LRRC61: variants seen among roughly 807,000 people sequenced by gnomAD.
The protein encoded by LRRC61 is leucine rich repeat containing 61.
LRRC61 carries 9 observed loss-of-function variants against 15.1 expected under a neutral mutation model. The observed-to-expected ratio is 0.60, with a 90% CI of 0.36 to 1.04. LRRC61 has a LOEUF of 1.04. Ranked by LOEUF, LRRC61 falls within the 50% of genes least tolerant of loss-of-function variation. The pLI, the probability that LRRC61 is intolerant of heterozygous loss-of-function variation, is 0.01. For missense variants in LRRC61, 344 were observed against 335.6 expected, an observed-to-expected ratio of 1.03 and a Z score of -0.20; for synonymous variants, 173 against 158.6, an observed-to-expected ratio of 1.09 and a Z score of -0.68.
chr7:150,318,836 A>C (rs1797200838), upstream of LRRC61, among the ~76,000 whole-genome samples: 1 of 152,230 alleles, frequency 6.6e-6, no homozygotes, highest in Admixed American at 6.5e-5. Context: ...AATTTGCTTT[A>C]GATCAGTGTT....
In LRRC61 at chr7:150,335,941, C is replaced by T. The variant is rs1410392042; in HGVS notation, c.-144-777C>T. ...CTGCCCTTTGGGAAATTTATGTTGT[C>T]TTTGCAGCTGGCACCGTGCTGTCTG... On this transcript the variant is annotated intron_variant, in intron 2 of 2. Transcript: ENST00000359623. The surrounding 1 kb of genome is among the most constrained non-coding windows in gnomAD (Gnocchi z 4.3). 6.6e-6 allele frequency among the ~76,000 whole-genome samples: 1 copy of T among 152,216 alleles called. No homozygotes were observed. Among genetic ancestry groups the T allele is most frequent in the African/African-American group, 2.4e-5 (1 of 41,440 alleles).
the LRRC61 span, among the ~76,000 whole-genome samples, chr7:150,313,352 A>G: frequency 5.9e-5 from 9 of 152,182 alleles, no homozygotes; most frequent in African/African-American, 1.9e-4. Flanking sequence ...GGTAGATTTT[A>G]AAGTTTCTCA....
rs1396051841 is a variant in LRRC61 at position 150,323,462 on chromosome 7, C to T, written c.-413C>T. 1.0e-5 allele frequency: 4 copies of T among 390,532 alleles called. No homozygotes were observed. The highest frequency in any genetic ancestry group is 1.5e-5 in the Non-Finnish European group (3 of 200,794). The allele number at this position is 390,532 out of a possible 1,614,324, so 24.2% of individuals were successfully genotyped here. On this transcript the variant is annotated 5_prime_UTR_variant, in exon 1 of 3. Transcript: ENST00000359623. ...CAGGCGGCGGGCGGCGGGGCTGCGG[C>T]TCTTACCTGCCGAGGAGGCGCCGGC...
At chr7:150,319,942 G>A (rs932050351), upstream of LRRC61, among the ~76,000 whole-genome samples, 3 of 152,234 alleles carry the variant, frequency 2.0e-5, no homozygotes, top group Admixed American at 6.5e-5. Context: ...TGGCTGCAGT[G>A]ACAAGTTTTG....
intron 2 of LRRC61, chr7:150,331,652 C>G (rs1798112311): frequency 6.0e-6 from 1 of 167,834 alleles, no homozygotes; most frequent in Non-Finnish European, 1.5e-5. Context: ...TATGAAGGTC[C>G]TTGCATACAC....
At chr7:150,332,877 C>T (rs188882897) in intron 2 of LRRC61, among the ~76,000 whole-genome samples, 12 of 152,222 alleles carry the variant, frequency 7.9e-5, no homozygotes, top group African/African-American at 2.4e-4. Context: ...CACTACTGCC[C>T]CTGGCTCCAG....
chr7:150,334,399 A>G (rs1267321503), intron 2 of LRRC61, among the ~76,000 whole-genome samples: 8 of 130,270 alleles, frequency 6.1e-5, no homozygotes, highest in African/African-American at 2.3e-4. Context: ...TCAGCCTCGT[A>G]GGTCAGCCTC....
intron 1 of LRRC61, chr7:150,323,860 C>G (rs1172948592): frequency 1.1e-5 from 4 of 369,066 alleles, no homozygotes; most frequent in South Asian, 7.7e-5. Context: ...GGATCACGGC[C>G]GTGCTCAGAG....
chr7:150,334,915 G>A (rs1176297480), intron 2 of LRRC61, among the ~76,000 whole-genome samples: 1 of 152,058 alleles, frequency 6.6e-6, no homozygotes, highest in Non-Finnish European at 1.5e-5. Context: ...CCAGCTACTT[G>A]GGAGGCTGAG....
intron 1 of LRRC61, 34 bp downstream of exon 1, chr7:150,323,594 AG>A: frequency 6.7e-6 from 3 of 449,858 alleles, no homozygotes; most frequent in Non-Finnish European, 1.3e-5. Context: ...GGTTCAGGGA[AG>A]GGGGCGGCTG....
the LRRC61 span, among the ~76,000 whole-genome samples, chr7:150,311,070 T>C: frequency 1.3e-5 from 2 of 152,180 alleles, no homozygotes; most frequent in African/African-American, 4.8e-5. Flanking sequence ...CTTGCAACTC[T>C]GGGTACCAAA....
At chr7:150,313,650 C>T in the LRRC61 span, among the ~76,000 whole-genome samples, 1 of 152,096 alleles carries the variant, frequency 6.6e-6, no homozygotes, top group Admixed American at 6.5e-5. Context: ...GTTTTTTTCA[C>T]GTTAACTTTG....
chr7:150,311,648 C>T, the LRRC61 span, among the ~76,000 whole-genome samples: 1 of 152,032 alleles, frequency 6.6e-6, no homozygotes, highest in Non-Finnish European at 1.5e-5. Flanking sequence ...TAGCATCTTC[C>T]CCCTTTCCTC....
At chr7:150,334,332 C>T (rs1002047009) in intron 2 of LRRC61, among the ~76,000 whole-genome samples, 1 of 152,146 alleles carries the variant, frequency 6.6e-6, no homozygotes, top group African/African-American at 2.4e-5. Context: ...TCCTTAAAAG[C>T]CTTCCGTGTT....
chr7:150,325,422 G>A (rs1194028959), intron 1 of LRRC61, among the ~76,000 whole-genome samples: 1 of 152,230 alleles, frequency 6.6e-6, no homozygotes. Context: ...GTCTTGTTGT[G>A]GTTGTAGGCC....
Position 150,330,822 on chromosome 7 carries a change from T to TC in LRRC61, c.-145+4814dup. The TC allele has an allele frequency of 6.2e-7, 1 of 1,609,736 alleles. No homozygotes were observed. Among genetic ancestry groups the TC allele is most frequent in the Non-Finnish European group, 8.5e-7 (1 of 1,177,434 alleles). On this transcript the variant is annotated intron_variant, in intron 2 of 2. Transcript: ENST00000359623. The surrounding 1 kb of genome is among the most constrained non-coding windows in gnomAD (Gnocchi z 4.6). ...GGACCCCACCAGGGTAGCCAAGAGC[T>TC]CCGGGGTGGAGGGGAGAAGCCAGGG... is the stretch of plus-strand genomic sequence containing the variant.
upstream of LRRC61, among the ~76,000 whole-genome samples, chr7:150,320,594 C>T (rs1274257650): frequency 6.6e-6 from 1 of 152,198 alleles, no homozygotes; most frequent in Non-Finnish European, 1.5e-5. Flanking sequence ...AAAACCCCGT[C>T]TCTACTAAAA....
intron 2 of LRRC61, among the ~76,000 whole-genome samples, chr7:150,328,161 T>G (rs1798003306): frequency 6.6e-6 from 1 of 151,992 alleles, no homozygotes; most frequent in African/African-American, 2.4e-5. Context: ...TTGGGGTAGG[T>G]GAATGGAGAA....
At position 150,337,619 on chromosome 7, in the gene LRRC61, C is replaced by G; in HGVS notation, c.758C>G (p.Pro253Arg). ...QAEQVLSSAGPTSSFVF is the reference protein window; with the variant it reads ...QAEQVLSSAGRTSSFVF Reference sequence around the variant, plus strand: ...GAGCAGGTACTCAGCTCTGCGGGCCCCACCTCTTCCTTCGTCTTCTGAACG... The same window carrying G: ...GAGCAGGTACTCAGCTCTGCGGGCCGCACCTCTTCCTTCGTCTTCTGAACG... The change falls in exon 3 of 3, where the codon CCC (proline) becomes CGC (arginine). Residue 253 changes from proline to arginine, a missense_variant. Coordinates refer to ENST00000359623, the MANE Select transcript of LRRC61 (RefSeq NM_001142928.2). The G allele has an allele frequency of 6.5e-7, 1 of 1,529,686 alleles. No individual in the cohort carries two copies. Among genetic ancestry groups the G allele is most frequent in the Non-Finnish European group, 8.8e-7 (1 of 1,141,076 alleles). The allele number at this position is 1,529,686 out of a possible 1,614,324, so 94.8% of individuals were successfully genotyped here. A position where few individuals can be genotyped will look rare whatever the true frequency, so the allele number is the denominator to read the frequency against.
Sources: allele counts gnomAD v4.1 joint callset (sites outside exome capture counted in the v4.1 genomes callset), GRCh38; gene constraint gnomAD v4.1.1; non-coding constraint Gnocchi (gnomAD v3.1); transcripts MANE v1.5; gene names NCBI Gene and HGNC (gene_info 2026-07-23, HGNC 2026-07-21).